CNTNAP2: variants seen among roughly 807,000 people sequenced by gnomAD.
The protein encoded by CNTNAP2 is contactin associated protein 2.
A neutral mutation model predicts 155.2 loss-of-function variants in CNTNAP2; 98 were observed. The ratio of observed to expected loss-of-function variants is 0.63; its 90% CI spans 0.54 to 0.75. The LOEUF is 0.75. Ranked by LOEUF, CNTNAP2 falls within the 30% of genes least tolerant of loss-of-function variation. The pLI, the probability that CNTNAP2 is intolerant of heterozygous loss-of-function variation, is 0.00. For missense variants in CNTNAP2, 1,727 were observed against 1,688.1 expected (o/e 1.02, Z -0.40); for synonymous variants, 651 against 631.2 (o/e 1.03, Z -0.47).
At chr7:146,718,266 C>T (rs1226338197) in intron 1 of CNTNAP2, among the ~76,000 whole-genome samples, 2 of 152,180 alleles carry the variant, frequency 1.3e-5, no homozygotes, top group African/African-American at 2.4e-5. Flanking sequence ...TAATTGTCTA[C>T]TAACCAATGA....
chr7:146,524,138 A>G (rs1170899844), intron 1 of CNTNAP2, among the ~76,000 whole-genome samples: 1 of 152,112 alleles, frequency 6.6e-6, no homozygotes, highest in East Asian at 1.9e-4. Flanking sequence ...TCAAATGCCT[A>G]GTTGAAACAT....
At chr7:146,493,022 T>G (rs960713412) in intron 1 of CNTNAP2, among the ~76,000 whole-genome samples, 11 of 152,198 alleles carry the variant, frequency 7.2e-5, no homozygotes, top group Non-Finnish European at 1.2e-4. Context: ...AATTTAAGGA[T>G]AAGTCTATAA....
intron 1 of CNTNAP2, among the ~76,000 whole-genome samples, chr7:146,324,294 AAG>A (rs956715916): frequency 1.7e-4 from 26 of 152,110 alleles, no homozygotes; most frequent in Non-Finnish European, 2.8e-4. Flanking sequence ...ACAAAAGAAA[AAG>A]AGTAAGGCTT....
intron 1 of CNTNAP2, among the ~76,000 whole-genome samples, chr7:146,748,362 G>A (rs1665873966): frequency 2.0e-5 from 3 of 151,904 alleles, no homozygotes; most frequent in Admixed American, 2.0e-4. Flanking sequence ...AGCCAGGATG[G>A]TCTGGATCTC....
intron 9 of CNTNAP2, among the ~76,000 whole-genome samples, chr7:147,339,577 A>G (rs772545745): frequency 7.2e-5 from 11 of 152,166 alleles, no homozygotes; most frequent in Admixed American, 3.3e-4. Context: ...TTGCAGCACT[A>G]AACAAACTAA....
chr7:147,307,143 C>T (rs753049681), intron 9 of CNTNAP2, among the ~76,000 whole-genome samples: 36 of 152,228 alleles, frequency 2.4e-4, no homozygotes, highest in East Asian at 7.7e-4. Context: ...GAGTTGTTTA[C>T]GCTAAAACAA....
chr7:148,059,320 G>C (rs111543444), intron 15 of CNTNAP2, among the ~76,000 whole-genome samples: 1,881 of 152,014 alleles, frequency 0.012, 41 homozygotes, highest in African/African-American at 0.044. Flanking sequence ...GTCTGGCACG[G>C]TGGCTCACAC....
At chr7:146,620,595 T>G (rs571440146) in intron 1 of CNTNAP2, among the ~76,000 whole-genome samples, 1 of 152,300 alleles carries the variant, frequency 6.6e-6, no homozygotes, top group African/African-American at 2.4e-5. Flanking sequence ...TTTAGATATA[T>G]AACACCTTTA....
intron 15 of CNTNAP2, among the ~76,000 whole-genome samples, chr7:148,003,323 G>A (rs1283965148): frequency 6.6e-6 from 1 of 152,084 alleles, no homozygotes; most frequent in South Asian, 2.1e-4. Context: ...ACTTCTCCCA[G>A]CCCCTAATAC....
chr7:147,101,475 T>C (rs1800651096), intron 4 of CNTNAP2, among the ~76,000 whole-genome samples: 1 of 152,196 alleles, frequency 6.6e-6, no homozygotes, highest in Non-Finnish European at 1.5e-5. Context: ...CATCTGTGGA[T>C]GGTTAAGTGT....
intron 1 of CNTNAP2, among the ~76,000 whole-genome samples, chr7:146,495,785 G>A (rs700281): frequency 0.47 from 71,945 of 151,664 alleles, 17,620 homozygotes; most frequent in Admixed American, 0.59. Context: ...AAAGGGTAAG[G>A]CATGAGAATA....
chr7:147,529,321 A>C (rs1799387290), intron 11 of CNTNAP2, among the ~76,000 whole-genome samples: 1 of 152,232 alleles, frequency 6.6e-6, no homozygotes, highest in Admixed American at 6.5e-5. Flanking sequence ...CTCCACCATA[A>C]AAAGATAAAA....
chr7:146,852,632 C>T (rs13228526), intron 3 of CNTNAP2, among the ~76,000 whole-genome samples: 1 of 151,952 alleles, frequency 6.6e-6, no homozygotes. Flanking sequence ...TTCCAGCAAA[C>T]ATGCATTCTA....
chr7:147,731,126 T>C (rs10281915), intron 13 of CNTNAP2, among the ~76,000 whole-genome samples: 4,023 of 152,234 alleles, frequency 0.026, 181 homozygotes, highest in African/African-American at 0.09. Flanking sequence ...AATGCTGATG[T>C]AGAAGCTGCA....
intron 11 of CNTNAP2, among the ~76,000 whole-genome samples, chr7:147,504,340 C>A (rs1485929203): frequency 6.6e-6 from 1 of 152,070 alleles, no homozygotes; most frequent in Non-Finnish European, 1.5e-5. Context: ...CCCAAGGGGT[C>A]TTGGCAATCA....
At chr7:148,083,271 TGG>T (rs1419716404) in intron 15 of CNTNAP2, among the ~76,000 whole-genome samples, 37 of 152,326 alleles carry the variant, frequency 2.4e-4, no homozygotes, top group African/African-American at 8.7e-4. Flanking sequence ...TGATAATTTA[TGG>T]CTGACACTGA....
intron 3 of CNTNAP2, among the ~76,000 whole-genome samples, chr7:146,949,953 C>T (rs1033593979): frequency 6.6e-6 from 1 of 152,038 alleles, no homozygotes; most frequent in East Asian, 1.9e-4. Flanking sequence ...CATAATAATA[C>T]TATGTGCGAA....
chr7:146,301,044 T>C (rs1800599786), intron 1 of CNTNAP2, among the ~76,000 whole-genome samples: 1 of 152,132 alleles, frequency 6.6e-6, no homozygotes, highest in Non-Finnish European at 1.5e-5. Flanking sequence ...AATACATTAA[T>C]TCTATATAGA....
chr7:147,441,375 ATTTC>A (rs1237077446), intron 10 of CNTNAP2, among the ~76,000 whole-genome samples: 2 of 151,948 alleles, frequency 1.3e-5, no homozygotes, highest in Non-Finnish European at 2.9e-5. Flanking sequence ...GTTATCTTGA[ATTTC>A]TTTGAGTTTC....
Sources: allele counts gnomAD v4.1 joint callset (sites outside exome capture counted in the v4.1 genomes callset), GRCh38; gene constraint gnomAD v4.1.1; transcripts MANE v1.5; gene names NCBI Gene and HGNC (gene_info 2026-07-23, HGNC 2026-07-21).